The following SLC60A1 variants were observed in gnomAD, a reference collection of about 807,000 sequenced individuals.
SLC60A1 encodes solute carrier family 60 member 1.
the SLC60A1 span, chr1:205,600,667 T>C: frequency 3.5e-6 from 2 of 564,660 alleles, no homozygotes; most frequent in Non-Finnish European, 6.3e-6. Flanking sequence ...TCTCAAGTTA[T>C]CTTCTTCCCT....
the SLC60A1 span, chr1:205,597,878 G>A: frequency 2.5e-6 from 4 of 1,609,984 alleles, no homozygotes; most frequent in Admixed American, 5.0e-5. Context: ...AGGGAGAGGG[G>A]AGCATTTGGG....
At chr1:205,573,790 G>A in the SLC60A1 span, among the ~76,000 whole-genome samples, 2 of 152,016 alleles carry the variant, frequency 1.3e-5, no homozygotes, top group African/African-American at 2.4e-5. Context: ...CCTGCCTCCC[G>A]GGTTCAAGCA....
At chr1:205,588,447 G>C in the SLC60A1 span, among the ~76,000 whole-genome samples, 1 of 122,264 alleles carries the variant, frequency 8.2e-6, no homozygotes, top group Non-Finnish European at 1.6e-5. Context: ...TCCAGCCTGA[G>C]AGACAGAGCA....
At chr1:205,588,300 T>C in the SLC60A1 span, among the ~76,000 whole-genome samples, 1 of 151,868 alleles carries the variant, frequency 6.6e-6, no homozygotes, top group Non-Finnish European at 1.5e-5. Flanking sequence ...TGATACCCCA[T>C]CTCTACTAAA....
chr1:205,570,899 A>T, the SLC60A1 span, among the ~76,000 whole-genome samples: 4 of 152,198 alleles, frequency 2.6e-5, no homozygotes, highest in African/African-American at 9.7e-5. Flanking sequence ...ATAATTTGAA[A>T]TGACAGGTTG....
the SLC60A1 span, chr1:205,580,816 C>T: frequency 8.7e-6 from 14 of 1,614,072 alleles, no homozygotes; most frequent in East Asian, 2.2e-5. The surrounding 1 kb of genome is among the most constrained non-coding windows in gnomAD (Gnocchi z 5.0). Flanking sequence ...GCCAGCACCA[C>T]GTAGATGCCA....
At chr1:205,570,334 T>A in the SLC60A1 span, among the ~76,000 whole-genome samples, 2 of 152,096 alleles carry the variant, frequency 1.3e-5, no homozygotes, top group Non-Finnish European at 2.9e-5. Flanking sequence ...CCTGGCTGAG[T>A]GGTTTCCTAG....
chr1:205,576,102 G>A, the SLC60A1 span, among the ~76,000 whole-genome samples: 2 of 152,258 alleles, frequency 1.3e-5, no homozygotes, highest in East Asian at 1.9e-4. Context: ...TGAGTGGGGC[G>A]GGGGACAAGA....
chr1:205,577,386 G>A, the SLC60A1 span, among the ~76,000 whole-genome samples: 12 of 152,194 alleles, frequency 7.9e-5, no homozygotes, highest in East Asian at 1.9e-4. The surrounding 1 kb of genome is among the most constrained non-coding windows in gnomAD (Gnocchi z 5.2). Context: ...TGGGTTGAGC[G>A]TCTCTGCAGA....
chr1:205,572,561 T>A, the SLC60A1 span, among the ~76,000 whole-genome samples: 1 of 152,302 alleles, frequency 6.6e-6, no homozygotes, highest in Admixed American at 6.5e-5. Context: ...CACCAAACCC[T>A]GTCTTCCATA....
the SLC60A1 span, among the ~76,000 whole-genome samples, chr1:205,594,600 G>A: frequency 6.6e-6 from 1 of 150,674 alleles, no homozygotes; most frequent in Non-Finnish European, 1.5e-5. Context: ...AGGTTGCAGC[G>A]AGCTGAGATT....
At chr1:205,569,190 G>C in the SLC60A1 span, 2 of 1,548,974 alleles carry the variant, frequency 1.3e-6, no homozygotes, top group Admixed American at 1.9e-5. Flanking sequence ...CACGCTGCTG[G>C]ACCTGCGCTG....
At chr1:205,569,438 G>A in the SLC60A1 span, 1 of 424,350 alleles carries the variant, frequency 2.4e-6, no homozygotes. Context: ...TCCCGGCCGC[G>A]ACCACCCCTC....
the SLC60A1 span, chr1:205,592,169 G>T: frequency 1.2e-6 from 2 of 1,614,116 alleles, no homozygotes; most frequent in Non-Finnish European, 1.7e-6. Flanking sequence ...TCCTGGTGCT[G>T]CTTATTTTCT....
the SLC60A1 span, among the ~76,000 whole-genome samples, chr1:205,592,535 C>G: frequency 6.6e-6 from 1 of 152,024 alleles, no homozygotes; most frequent in Admixed American, 6.5e-5. Flanking sequence ...CCTCCCCCCT[C>G]TCCCCACCCC....
At chr1:205,584,565 AAG>A in the SLC60A1 span, among the ~76,000 whole-genome samples, 24,236 of 142,662 alleles carry the variant, frequency 0.17, 2,207 homozygotes, top group African/African-American at 0.21. Flanking sequence ...AAAAAAAAAA[AAG>A]AAAATCTTGG....
chr1:205,584,204 CTAGA>C, the SLC60A1 span: 1 of 1,243,122 alleles, frequency 8.0e-7, no homozygotes, highest in East Asian at 2.4e-5. Flanking sequence ...GAGAGTGAAC[CTAGA>C]TCACAGGTGA....
At chr1:205,579,277 G>T in the SLC60A1 span, among the ~76,000 whole-genome samples, 1 of 152,090 alleles carries the variant, frequency 6.6e-6, no homozygotes, top group African/African-American at 2.4e-5. Flanking sequence ...GTGTGGGGAG[G>T]ACACAGGGCA....
chr1:205,574,447 A>C, the SLC60A1 span, among the ~76,000 whole-genome samples: 1 of 152,124 alleles, frequency 6.6e-6, no homozygotes, highest in African/African-American at 2.4e-5. Context: ...CTATCTCAAA[A>C]ACCAAAACAA....
Sources: allele counts gnomAD v4.1 joint callset (sites outside exome capture counted in the v4.1 genomes callset), GRCh38; gene constraint gnomAD v4.1.1; non-coding constraint Gnocchi (gnomAD v3.1); transcripts MANE v1.5; gene names NCBI Gene and HGNC (gene_info 2026-07-23, HGNC 2026-07-21).